Variants in C8orf34 observed in about 807,000 individuals in gnomAD.
C8orf34 encodes chromosome 8 open reading frame 34.
A neutral mutation model predicts 68.3 loss-of-function variants in C8orf34; 65 were observed. The observed-to-expected ratio is 0.95, with a 90% CI of 0.78 to 1.17. The LOEUF (loss-of-function observed/expected upper bound fraction) is 1.17. Among genes scored for constraint, C8orf34 ranks in the 50% most tolerant of loss-of-function variants. C8orf34 has a pLI of 0.00. For missense variants in C8orf34, 664 were observed against 655.4 expected (o/e 1.01, Z -0.14); for synonymous variants, 244 against 241.2 (o/e 1.01, Z -0.11).
intron 11 of C8orf34, among the ~76,000 whole-genome samples, chr8:68,783,927 AT>A (rs1823768793): frequency 6.6e-6 from 1 of 152,192 alleles, no homozygotes; most frequent in Non-Finnish European, 1.5e-5. Flanking sequence ...GATGTACAGA[AT>A]TATTAGATAG....
chr8:68,501,939 A>G (rs943960269), intron 5 of C8orf34, among the ~76,000 whole-genome samples: 3 of 152,196 alleles, frequency 2.0e-5, no homozygotes, highest in African/African-American at 7.2e-5. Context: ...TTCTTCAATA[A>G]GTAAATATTT....
rs112761302 is a variant in C8orf34 at position 68,451,876 on chromosome 8, T to TA, written c.607+5424dup. Among the ~76,000 whole-genome samples the TA allele has an allele frequency of 8.7e-3, 1,319 of 151,816 alleles. 19 individuals are homozygous for TA. The highest frequency in any genetic ancestry group is 0.029 in the African/African-American group (1,207 of 41,418). ...AGGGTCCCCACGAATGTTTACTTTG[T>TA]AAAAAAAACAACAAAAAAATTATCT... On this transcript the variant is annotated intron_variant, in intron 3 of 13. Coordinates refer to ENST00000518698, the MANE Select transcript of C8orf34 (RefSeq NM_052958.4).
chr8:68,669,641 C>T (rs1819946934), intron 8 of C8orf34, among the ~76,000 whole-genome samples: 1 of 152,180 alleles, frequency 6.6e-6, no homozygotes, highest in Admixed American at 6.5e-5. Context: ...ATTGATATTT[C>T]ATCCATCTTT....
intron 9 of C8orf34, among the ~76,000 whole-genome samples, chr8:68,710,802 A>C (rs1821310615): frequency 6.6e-6 from 1 of 152,164 alleles, no homozygotes; most frequent in African/African-American, 2.4e-5. Context: ...GCAAGTTTGC[A>C]TCCTCATAGG....
rs1820630781 is a variant in C8orf34, at chr8:68,689,697, G to C, written c.1242-19297G>C. ...GGCATTTGGCAATAAATATATGAAA[G>C]AGAGAGAAAATAAGAACAAAGCTGG... On this transcript the variant is annotated intron_variant, in intron 8 of 13. Coordinates refer to ENST00000518698, the MANE Select transcript of C8orf34 (RefSeq NM_052958.4). Among the ~76,000 whole-genome samples the C allele has an allele frequency of 1.3e-5, 2 of 152,026 alleles. 1 individual carries two copies. Among genetic ancestry groups the C allele is most frequent in the South Asian group, 4.1e-4 (2 of 4,832 alleles).
At chr8:68,804,362 T>C (rs1185540798) in intron 12 of C8orf34, among the ~76,000 whole-genome samples, 2 of 152,214 alleles carry the variant, frequency 1.3e-5, no homozygotes, top group Non-Finnish European at 2.9e-5. Flanking sequence ...CTAAATAACA[T>C]GCTTTTATAA....
intron 10 of C8orf34, among the ~76,000 whole-genome samples, chr8:68,730,255 T>C (rs756302552): frequency 3.4e-4 from 51 of 152,174 alleles, no homozygotes; most frequent in African/African-American, 9.6e-5. Context: ...CGGCTAATTG[T>C]AGCAATGAAA....
chr8:68,760,908 T>C (rs1041810349), intron 10 of C8orf34, among the ~76,000 whole-genome samples: 1 of 152,252 alleles, frequency 6.6e-6, no homozygotes, highest in African/African-American at 2.4e-5. Context: ...TTTCATTTCC[T>C]GTCTTCTAGA....
chr8:68,379,558 C>G (rs1303656117), intron 1 of C8orf34, among the ~76,000 whole-genome samples: 1 of 152,152 alleles, frequency 6.6e-6, no homozygotes, highest in East Asian at 1.9e-4. Flanking sequence ...GACTTGGTTC[C>G]TCTCTTGCTG....
At chr8:68,436,494 G>A (rs1451571700) in intron 1 of C8orf34, among the ~76,000 whole-genome samples, 1 of 152,068 alleles carries the variant, frequency 6.6e-6, no homozygotes, top group Non-Finnish European at 1.5e-5. Flanking sequence ...CAAACATTTT[G>A]TTTCAGGGCA....
chr8:68,603,549 C>A (rs4737913), intron 7 of C8orf34, among the ~76,000 whole-genome samples: 39,411 of 149,240 alleles, frequency 0.26, 7,491 homozygotes, highest in African/African-American at 0.54. Context: ...ATCTATCTAT[C>A]TATCTATCTA....
chr8:68,618,202 TA>T (rs1427005785), intron 7 of C8orf34, among the ~76,000 whole-genome samples: 1 of 152,154 alleles, frequency 6.6e-6, no homozygotes, highest in African/African-American at 2.4e-5. Context: ...AAAGTAATGA[TA>T]AAAGTTATGC....
At chr8:68,720,682 A>G (rs1053884782) in intron 9 of C8orf34, among the ~76,000 whole-genome samples, 1 of 151,798 alleles carries the variant, frequency 6.6e-6, no homozygotes, top group Non-Finnish European at 1.5e-5. Context: ...TAGTTGCTCC[A>G]TTTACCTATC....
chr8:68,535,488 C>T (rs1815426962), intron 7 of C8orf34: 11 of 962,528 alleles, frequency 1.1e-5, no homozygotes, highest in Non-Finnish European at 1.4e-5. Context: ...AAGGATTATT[C>T]TTCAATAAAA....
At chr8:68,685,177 T>A (rs959274307) in intron 8 of C8orf34, among the ~76,000 whole-genome samples, 1 of 152,160 alleles carries the variant, frequency 6.6e-6, no homozygotes, top group African/African-American at 2.4e-5. Context: ...TTTCAAACTT[T>A]CCTCTTTCTC....
At chr8:68,525,631 C>T (rs1814943308) in intron 6 of C8orf34, 1 of 741,156 alleles carries the variant, frequency 1.3e-6, no homozygotes. Context: ...CAGATGGGAG[C>T]AGATTATGCT....
At chr8:68,645,610 C>A (rs1281228516) in intron 8 of C8orf34, among the ~76,000 whole-genome samples, 1 of 152,074 alleles carries the variant, frequency 6.6e-6, no homozygotes, top group African/African-American at 2.4e-5. Context: ...GTCAAGAAAT[C>A]ATTTTCTCAT....
At chr8:68,438,740 A>G (rs775255884) in intron 1 of C8orf34, 6 of 152,142 alleles carry the variant, frequency 3.9e-5, no homozygotes, top group Non-Finnish European at 8.8e-5. Flanking sequence ...ATTCTAATGG[A>G]CTACATATTG....
intron 3 of C8orf34, among the ~76,000 whole-genome samples, chr8:68,461,246 G>A (rs905095887): frequency 1.3e-5 from 2 of 152,216 alleles, no homozygotes; most frequent in Non-Finnish European, 2.9e-5. Context: ...AGAGAAAAAC[G>A]AATAAAAAGA....
Sources: gnomAD v4.1 joint callset for allele counts (sites outside exome capture counted in the v4.1 genomes callset) on GRCh38, gnomAD v4.1.1 for gene constraint, MANE v1.5 for transcripts, NCBI Gene and HGNC (gene_info 2026-07-23, HGNC 2026-07-21) for gene names.